Variants in SPATC1 observed in about 807,000 individuals in gnomAD.
SPATC1 encodes spermatogenesis and centriole associated 1.
In SPATC1, 35 loss-of-function variants were observed where a neutral mutation model predicts 36.5. The ratio of observed to expected loss-of-function variants is 0.96; its 90% confidence interval spans 0.73 to 1.27. The LOEUF is 1.27. Ranked by LOEUF, SPATC1 falls within the 50% of genes most tolerant of loss-of-function variation. The pLI is 0.00. For missense variants in SPATC1, 779 were observed against 796.0 expected (o/e 0.98, Z 0.26); for synonymous variants, 361 against 353.6 (o/e 1.02, Z -0.24).
chr8:144,020,367 A>G (rs1326236056), intron 1 of SPATC1, among the ~76,000 whole-genome samples: 1 of 148,384 alleles, frequency 6.7e-6, no homozygotes, highest in Non-Finnish European at 1.5e-5. Context: ...TCCCCCGAGG[A>G]CTACCTTCCC....
At chr8:144,033,717 T>C (rs1021671429) in intron 1 of SPATC1, among the ~76,000 whole-genome samples, 1 of 152,216 alleles carries the variant, frequency 6.6e-6, no homozygotes, top group African/African-American at 2.4e-5. Flanking sequence ...TGCAGACTGA[T>C]GTGGGTGGCA....
At chr8:144,021,334 CAGTT>C (rs1834530493) in intron 1 of SPATC1, among the ~76,000 whole-genome samples, 4 of 65,544 alleles carry the variant, frequency 6.1e-5, no homozygotes, top group Admixed American at 1.4e-4. Context: ...CCTCATGACC[CAGTT>C]TCTCCCCTGA....
chr8:144,031,068 A>G (rs939785100), intron 1 of SPATC1, among the ~76,000 whole-genome samples: 1 of 152,196 alleles, frequency 6.6e-6, no homozygotes, highest in African/African-American at 2.4e-5. Flanking sequence ...CCAAAAATAC[A>G]ATAATACTGG....
intron 1 of SPATC1, among the ~76,000 whole-genome samples, chr8:144,021,180 C>T (rs1834520008): frequency 1.1e-5 from 1 of 89,384 alleles, no homozygotes; most frequent in Non-Finnish European, 2.3e-5. Context: ...AGACCTTTCC[C>T]ATCAGGACCC....
At chr8:144,039,001 G>C (rs1275685556) in intron 1 of SPATC1, among the ~76,000 whole-genome samples, 4 of 152,212 alleles carry the variant, frequency 2.6e-5, no homozygotes, top group Non-Finnish European at 5.9e-5. Flanking sequence ...GCAACACGCA[G>C]CTCCTCAATA....
chr8:144,036,361 G>C (rs1261548665), intron 1 of SPATC1, among the ~76,000 whole-genome samples: 2 of 152,164 alleles, frequency 1.3e-5, no homozygotes, highest in African/African-American at 4.8e-5. Flanking sequence ...ATCTCATGCC[G>C]TCACTCAGAC....
In SPATC1 at chr8:144,040,404, G is replaced by C; in HGVS notation, c.707G>C (p.Arg236Pro). ...APRLRLAEPL[R>P]GGPTGPQSPA... ...AGGCTGCGGCTGGCTGAGCCACTCC[G>C]CGGAGGCCCCACTGGGCCCCAGTCC... The change falls in exon 2 of 5, where the codon CGC (arginine) becomes CCC (proline). Residue 236 changes from arginine (R) to proline (P), a missense_variant. Transcript: ENST00000377470. The C allele has an allele frequency of 6.2e-7, 1 of 1,611,338 alleles. No homozygotes were observed. The highest frequency in any genetic ancestry group is 2.2e-5 in the East Asian group (1 of 44,850).
upstream of SPATC1, among the ~76,000 whole-genome samples, chr8:144,011,042 ATAGACGTGATTAATAGCTACAAG>A (rs1233696630): frequency 6.6e-6 from 1 of 151,894 alleles, no homozygotes; most frequent in African/African-American, 2.4e-5. This position sits in a 1 kb window ranked among gnomAD's most constrained non-coding sequence, Gnocchi z 4.5. Flanking sequence ...TAGACGTCTA[ATAGACGTGATTAATAGCTACAAG>A]TATATAATAG....
chr8:144,040,802 T>A lies in SPATC1; in HGVS notation c.1001T>A (p.Val334Asp). The A allele has an allele frequency of 4.4e-6, 5 of 1,139,722 alleles. No individual in the cohort carries two copies. The highest frequency in any genetic ancestry group is 5.5e-6 in the Non-Finnish European group (5 of 901,058). 70.6% of individuals were successfully genotyped at this position (1,139,722 alleles called of 1,614,324 possible). ...CCCACCACCTCCCCCACGGTCACCG[T>A]CCTTGCCTCTGCCCCCGCCCTTGCC... Reference protein sequence around the residue: ...TSPTTSPTVTVLASAPALAPQ... With the variant: ...TSPTTSPTVTDLASAPALAPQ... The change falls in exon 3 of 5, where the codon GTC (valine) becomes GAC (aspartate). Residue 334 changes from valine to aspartate, a missense_variant. Physicochemically the swap from Val to Asp is radical, Grantham distance 152. Transcript: ENST00000377470.
intron 1 of SPATC1, among the ~76,000 whole-genome samples, chr8:144,020,530 CT>C (rs1834489921): frequency 1.3e-5 from 2 of 149,820 alleles, no homozygotes; most frequent in African/African-American, 2.5e-5. Context: ...CCTCAGAACC[CT>C]CTTCCCTCAG....
chr8:144,013,777 G>A (rs1327113934), intron 1 of SPATC1, among the ~76,000 whole-genome samples: 4 of 152,138 alleles, frequency 2.6e-5, no homozygotes, highest in Non-Finnish European at 2.9e-5. Flanking sequence ...CCAACATGGC[G>A]AAACGCCATC....
intron 1 of SPATC1, among the ~76,000 whole-genome samples, chr8:144,020,765 G>T (rs1247608946): frequency 1.5e-5 from 1 of 68,652 alleles, no homozygotes; most frequent in Non-Finnish European, 3.0e-5. Context: ...ATGCCCTTAG[G>T]ACCAAGCTCT....
chr8:144,027,684 C>T (rs1160772353), intron 1 of SPATC1, among the ~76,000 whole-genome samples: 1 of 152,138 alleles, frequency 6.6e-6, no homozygotes, highest in Non-Finnish European at 1.5e-5. Context: ...TATACCAGCA[C>T]CATTTGTTAA....
chr8:144,019,041 CAAAA>C (rs1212175839), intron 1 of SPATC1, among the ~76,000 whole-genome samples: 11 of 56,364 alleles, frequency 2.0e-4, no homozygotes, highest in Admixed American at 5.7e-4. Context: ...GACTCCGTCT[CAAAA>C]AAAAAAAAAA....
intron 4 of SPATC1, among the ~76,000 whole-genome samples, chr8:144,044,436 G>A (rs1835202550): frequency 1.3e-5 from 2 of 151,440 alleles, no homozygotes; most frequent in African/African-American, 2.4e-5. Context: ...CAAGTAGCTG[G>A]GACTACAGGC....
At chr8:144,039,460 A>G (rs1835001947) in intron 1 of SPATC1, among the ~76,000 whole-genome samples, 1 of 152,242 alleles carries the variant, frequency 6.6e-6, no homozygotes, top group South Asian at 2.1e-4. Context: ...GACAGTGGTC[A>G]GGAGGCCTGG....
chr8:144,018,751 G>A (rs1027675231), intron 1 of SPATC1, among the ~76,000 whole-genome samples: 2 of 151,846 alleles, frequency 1.3e-5, no homozygotes, highest in African/African-American at 4.8e-5. Context: ...AAAATGGGGG[G>A]CTGGGCACGG....
chr8:144,040,673 G>A lies in SPATC1; in HGVS notation c.872G>A (p.Gly291Asp). The A allele has an allele frequency of 6.2e-7, 1 of 1,613,496 alleles. No homozygotes were observed. Among genetic ancestry groups the A allele is most frequent in the Non-Finnish European group, 8.5e-7 (1 of 1,179,826 alleles). ...ACCTCCACCCCTATCGGAGCCATGG[G>A]CACACCTGCTCCCAAGACGGCCTTC... Reference protein sequence around the residue: ...LQTSTPIGAMGTPAPKTAFSF... With the variant: ...LQTSTPIGAMDTPAPKTAFSF... The change falls in exon 3 of 5, where the codon GGC (glycine) becomes GAC (aspartate). Residue 291 changes from glycine (G) to aspartate (D), a missense_variant. Transcript: ENST00000377470.
At chr8:144,025,934 G>T (rs1467825491) in intron 1 of SPATC1, among the ~76,000 whole-genome samples, 30 of 152,208 alleles carry the variant, frequency 2.0e-4, no homozygotes, top group African/African-American at 6.8e-4. Context: ...TCACTGAGAT[G>T]TAATTCATAT....
Sources: gnomAD v4.1 joint callset for allele counts (sites outside exome capture counted in the v4.1 genomes callset) on GRCh38, gnomAD v4.1.1 for gene constraint, Gnocchi (gnomAD v3.1) non-coding constraint, MANE v1.5 for transcripts, NCBI Gene and HGNC (gene_info 2026-07-23, HGNC 2026-07-21) for gene names.